SRRM4: variants seen among roughly 807,000 people sequenced by gnomAD.
SRRM4 encodes serine/arginine repetitive matrix 4, also known as serine/arginine repetitive matrix protein 4.
SRRM4 carries 33 observed loss-of-function variants against 68.9 expected under a neutral mutation model. The ratio of observed to expected loss-of-function variants is 0.48; its 90% CI spans 0.36 to 0.64. The LOEUF is 0.64. Among genes scored for constraint, SRRM4 ranks in the 30% least tolerant of loss-of-function variants. The probability of loss-of-function intolerance (pLI) is 0.00; values close to 1 mark genes in which losing one functional copy is unlikely to be tolerated. For missense variants in SRRM4, 817 were observed against 827.1 expected (o/e 0.99, Z 0.15); for synonymous variants, 318 against 318.8 (o/e 1.00, Z 0.03).
intron 8 of SRRM4, among the ~76,000 whole-genome samples, chr12:119,133,525 C>T (rs1294569172): frequency 6.6e-6 from 1 of 152,178 alleles, no homozygotes; most frequent in East Asian, 1.9e-4. Flanking sequence ...CTTAAGGTTG[C>T]CTGGCTCCTG....
chr12:119,095,547 G>C (rs73213703), intron 1 of SRRM4, among the ~76,000 whole-genome samples: 5,777 of 152,182 alleles, frequency 0.038, 124 homozygotes, highest in African/African-American at 0.051. Flanking sequence ...GGAATCAATT[G>C]AGACACTGGA....
intron 1 of SRRM4, among the ~76,000 whole-genome samples, chr12:118,988,950 T>G (rs1953299469): frequency 3.9e-5 from 6 of 152,134 alleles, no homozygotes. Context: ...GAACAGCAAG[T>G]GCAAAGGCCC....
chr12:119,057,285 A>C (rs975128436), intron 1 of SRRM4, among the ~76,000 whole-genome samples: 2 of 152,172 alleles, frequency 1.3e-5, no homozygotes, highest in Non-Finnish European at 2.9e-5. Context: ...AGATCAACTC[A>C]TCACCTAGGT....
At chr12:118,982,695 T>C (rs1594012892) in intron 1 of SRRM4, among the ~76,000 whole-genome samples, 1 of 114,200 alleles carries the variant, frequency 8.8e-6, no homozygotes, top group African/African-American at 3.2e-5. Context: ...TTTTTTTTTT[T>C]CCAAAAAGAA....
rs1406469007 is a variant in SRRM4 at position 118,982,658 on chromosome 12, AGTTTTATTTT to A, written c.131+651_131+660del. 8.5e-4 allele frequency among the ~76,000 whole-genome samples: 105 copies of A among 122,874 alleles called. 1 individual carries two copies. The highest frequency in any genetic ancestry group is 2.9e-3 in the African/African-American group (102 of 34,888). 80.6% of individuals were successfully genotyped at this position (122,874 alleles called of 152,430 possible). On this transcript the variant is annotated intron_variant, in intron 1 of 12. Coordinates refer to ENST00000267260, the MANE Select transcript of SRRM4 (RefSeq NM_194286.4). ...AAGATCGTGAAGATGATCTTGGAAG[AGTTTTATTTT>A]GTTTTTTTTTGTTTTTTTTTTTTTT... is the stretch of plus-strand genomic sequence containing the variant.
At chr12:119,014,277 TTC>T (rs1279546858) in intron 1 of SRRM4, among the ~76,000 whole-genome samples, 1 of 152,236 alleles carries the variant, frequency 6.6e-6, no homozygotes, top group Non-Finnish European at 1.5e-5. Context: ...GCCTCAAACT[TTC>T]TGTTTGTTTC....
intron 1 of SRRM4, among the ~76,000 whole-genome samples, chr12:119,034,750 T>C (rs1953615286): frequency 6.6e-6 from 1 of 152,206 alleles, no homozygotes; most frequent in African/African-American, 2.4e-5. Context: ...TGTTTTCTCT[T>C]GCCTTGAATT....
At chr12:118,998,041 G>A (rs948856685) in intron 1 of SRRM4, among the ~76,000 whole-genome samples, 3 of 152,100 alleles carry the variant, frequency 2.0e-5, no homozygotes, top group African/African-American at 7.2e-5. Context: ...AGATTGTTCA[G>A]CAAGTCAGTA....
At chr12:119,014,301 G>C (rs572380063) in intron 1 of SRRM4, among the ~76,000 whole-genome samples, 5 of 152,188 alleles carry the variant, frequency 3.3e-5, no homozygotes, top group African/African-American at 1.2e-4. Flanking sequence ...GATGAGTACA[G>C]AGATTTAGAA....
Position 118,981,680 on chromosome 12 carries a change from A to G in SRRM4, c.-203A>G. ...GGAGCCGACCCAGAAGGGCGAAGAA[A>G]GCCCAGCGGACGAGCCTCCTTTCTC... On this transcript the variant is annotated 5_prime_UTR_variant, in exon 1 of 13. Transcript: ENST00000267260. 1.7e-6 allele frequency: 1 copy of G among 587,164 alleles called. No individual in the cohort carries two copies. The highest frequency in any genetic ancestry group is 2.9e-6 in the Non-Finnish European group (1 of 339,814). 36.4% of individuals were successfully genotyped at this position (587,164 alleles called of 1,614,324 possible).
chr12:119,091,464 T>C (rs1300983581), intron 1 of SRRM4, among the ~76,000 whole-genome samples: 1 of 152,010 alleles, frequency 6.6e-6, no homozygotes, highest in Non-Finnish European at 1.5e-5. Context: ...TGAGGAAAGG[T>C]AGTCAGAGTC....
chr12:119,144,959 A>C (rs1350047269), intron 8 of SRRM4, among the ~76,000 whole-genome samples: 1 of 152,090 alleles, frequency 6.6e-6, no homozygotes, highest in Non-Finnish European at 1.5e-5. Flanking sequence ...TTTCCAAGAT[A>C]TATTTTTTCA....
rs1470765674 is a variant in SRRM4 at position 119,154,218 on chromosome 12, C to A, written c.1392-25C>A. On this transcript the variant is annotated intron_variant, in intron 11 of 12. Transcript: ENST00000267260. This position sits in a 1 kb window ranked among gnomAD's most constrained non-coding sequence, Gnocchi z 4.7. ...GAAAATCCAGCCCAGCCCCAGCTCCCCAGTAACCCCCCGCGCCCCTTCAGG... is the reference window on the plus strand; with the variant it reads ...GAAAATCCAGCCCAGCCCCAGCTCCACAGTAACCCCCCGCGCCCCTTCAGG... The A allele has an allele frequency of 6.3e-7, 1 of 1,580,294 alleles. No homozygotes were observed. The highest frequency in any genetic ancestry group is 1.8e-4 in the Middle Eastern group (1 of 5,640).
chr12:119,130,921 C>A, intron 8 of SRRM4, 87 bp downstream of exon 8: 2 of 1,286,784 alleles, frequency 1.6e-6, no homozygotes, highest in South Asian at 3.2e-5. Context: ...GTGTATGGTA[C>A]ACTTTAATTC....
chr12:119,002,757 A>G (rs11069226), intron 1 of SRRM4, among the ~76,000 whole-genome samples: 41,274 of 151,932 alleles, frequency 0.27, 5,900 homozygotes, highest in Non-Finnish European at 0.31. Flanking sequence ...AGCATATGAT[A>G]CTAGGAGAGC....
At chr12:119,052,753 C>T (rs1015782801) in intron 1 of SRRM4, among the ~76,000 whole-genome samples, 2 of 152,148 alleles carry the variant, frequency 1.3e-5, no homozygotes, top group Non-Finnish European at 2.9e-5. Context: ...TGGTCTCGAT[C>T]TCCTGACCTC....
At chr12:119,082,401 C>A (rs1376183625) in intron 1 of SRRM4, among the ~76,000 whole-genome samples, 1 of 152,230 alleles carries the variant, frequency 6.6e-6, no homozygotes, top group African/African-American at 2.4e-5. Context: ...CCTGTAGGGG[C>A]TTTGGCAGAA....
intron 1 of SRRM4, among the ~76,000 whole-genome samples, chr12:119,042,767 G>A (rs560130430): frequency 1.7e-4 from 26 of 152,008 alleles, no homozygotes; most frequent in Non-Finnish European, 3.4e-4. Context: ...AGGAGAGAAA[G>A]AAGATAAGAA....
At chr12:119,152,996 ATC>A (rs1272579158) in intron 10 of SRRM4, among the ~76,000 whole-genome samples, 4 of 152,244 alleles carry the variant, frequency 2.6e-5, no homozygotes, top group Non-Finnish European at 5.9e-5. Flanking sequence ...GAAGTGCATC[ATC>A]TCTCTGTGCC....
Sources: allele counts gnomAD v4.1 joint callset (sites outside exome capture counted in the v4.1 genomes callset), GRCh38; gene constraint gnomAD v4.1.1; non-coding constraint Gnocchi (gnomAD v3.1); transcripts MANE v1.5; gene names NCBI Gene and HGNC (gene_info 2026-07-23, HGNC 2026-07-21).